CACNG4: variants seen among roughly 807,000 people sequenced by gnomAD.
CACNG4 encodes calcium voltage-gated channel auxiliary subunit gamma 4.
CACNG4 carries 8 observed loss-of-function variants against 22.9 expected under a neutral mutation model. The ratio of observed to expected loss-of-function variants is 0.35; its 90% CI spans 0.21 to 0.63. CACNG4 has a LOEUF of 0.63. CACNG4 is among the 30% of genes least tolerant of loss of function. The probability of loss-of-function intolerance (pLI) is 0.72; values close to 1 mark genes in which losing one functional copy is unlikely to be tolerated. For synonymous variants in CACNG4, 188 were observed against 191.9 expected, an observed-to-expected ratio of 0.98 and a Z score of 0.17; for missense variants, 357 against 455.4, an observed-to-expected ratio of 0.78 and a Z score of 1.97.
chr17:66,997,523 T>C (rs980253112), intron 1 of CACNG4, among the ~76,000 whole-genome samples: 3 of 152,082 alleles, frequency 2.0e-5, no homozygotes, highest in African/African-American at 7.2e-5. Context: ...GCAAAGAGAA[T>C]GGTTAAAACC....
chr17:66,999,574 A>G (rs532381223), intron 1 of CACNG4, among the ~76,000 whole-genome samples: 1 of 152,328 alleles, frequency 6.6e-6, no homozygotes, highest in Non-Finnish European at 1.5e-5. Context: ...GGAGACAGCG[A>G]GCGAAGAGGG....
chr17:67,004,035 A>G (rs1452055911), intron 1 of CACNG4, among the ~76,000 whole-genome samples: 1 of 152,252 alleles, frequency 6.6e-6, no homozygotes, highest in Non-Finnish European at 1.5e-5. Context: ...AACTTCCCAG[A>G]GATCTGCAGA....
At chr17:66,977,323 C>T (rs1260372876) in intron 1 of CACNG4, among the ~76,000 whole-genome samples, 2 of 152,006 alleles carry the variant, frequency 1.3e-5, no homozygotes, top group East Asian at 1.9e-4. Flanking sequence ...GCCCGCCCCA[C>T]GGATCCAGCC....
intron 1 of CACNG4, among the ~76,000 whole-genome samples, chr17:66,966,946 G>T (rs2035174607): frequency 6.6e-6 from 1 of 152,198 alleles, no homozygotes; most frequent in South Asian, 2.1e-4. Context: ...ACAGAGCAGG[G>T]GCTGCAATGC....
intron 1 of CACNG4, among the ~76,000 whole-genome samples, chr17:67,009,308 C>T (rs1329932065): frequency 6.6e-6 from 1 of 152,198 alleles, no homozygotes; most frequent in African/African-American, 2.4e-5. Context: ...CTAATGCACC[C>T]TGCCTCTCAG....
rs766946002 is a variant in CACNG4 at position 67,031,224 on chromosome 17, C to T, written c.*220C>T. ...CTGAAGGCTGACTTTGTCCCCTCCC[C>T]GAAAAAGGGTGTTTTGATGCCTCAG... is the stretch of plus-strand genomic sequence containing the variant. On this transcript the variant is annotated 3_prime_UTR_variant, in exon 4 of 4. Transcript: ENST00000262138. This position sits in a 1 kb window ranked among gnomAD's most constrained non-coding sequence, Gnocchi z 4.0. The T allele has an allele frequency of 5.7e-5, 37 of 646,396 alleles. No homozygotes were observed. The highest frequency in any genetic ancestry group is 4.3e-4 in the African/African-American group (24 of 55,230). The allele number at this position is 646,396 out of a possible 1,614,324, so 40.0% of individuals were successfully genotyped here. A position where few individuals can be genotyped will look rare whatever the true frequency, so the allele number is the denominator to read the frequency against.
intron 1 of CACNG4, among the ~76,000 whole-genome samples, chr17:66,999,572 C>T (rs1046527795): frequency 2.6e-5 from 4 of 152,126 alleles, no homozygotes; most frequent in Middle Eastern, 3.2e-3. Flanking sequence ...CAGGAGACAG[C>T]GAGCGAAGAG....
At chr17:66,981,003 T>G (rs1195340526) in intron 1 of CACNG4, among the ~76,000 whole-genome samples, 2 of 152,314 alleles carry the variant, frequency 1.3e-5, no homozygotes, top group Non-Finnish European at 2.9e-5. Context: ...AAAAAAATCT[T>G]TGCATGGTGA....
At chr17:67,005,064 A>C (rs545507577) in intron 1 of CACNG4, among the ~76,000 whole-genome samples, 1 of 152,308 alleles carries the variant, frequency 6.6e-6, no homozygotes, top group African/African-American at 2.4e-5. Flanking sequence ...AGCGTCCCAA[A>C]GGATGGAAGG....
intron 1 of CACNG4, among the ~76,000 whole-genome samples, chr17:67,014,814 G>A (rs1019734840): frequency 2.6e-5 from 4 of 152,082 alleles, no homozygotes; most frequent in African/African-American, 9.7e-5. Context: ...GTGCGTGCCT[G>A]TAGTCTCAGT....
At chr17:66,972,423 G>A (rs1230255857) in intron 1 of CACNG4, among the ~76,000 whole-genome samples, 4 of 152,282 alleles carry the variant, frequency 2.6e-5, no homozygotes, top group Admixed American at 2.0e-4. Context: ...TGGCCTCCCC[G>A]CACTGGAACC....
chr17:66,969,313 A>G (rs2035190133), intron 1 of CACNG4, among the ~76,000 whole-genome samples: 1 of 152,094 alleles, frequency 6.6e-6, no homozygotes, highest in Non-Finnish European at 1.5e-5. Flanking sequence ...TCTCCACCCA[A>G]AGAGAAGGGT....
intron 1 of CACNG4, among the ~76,000 whole-genome samples, chr17:66,977,040 C>G (rs1396992012): frequency 6.6e-6 from 1 of 152,190 alleles, no homozygotes; most frequent in African/African-American, 2.4e-5. Flanking sequence ...CCTCCCCAGG[C>G]CTATGGGCTC....
chr17:66,997,444 T>C (rs2035382023), intron 1 of CACNG4, among the ~76,000 whole-genome samples: 2 of 152,088 alleles, frequency 1.3e-5, no homozygotes, highest in East Asian at 3.8e-4. Flanking sequence ...CTGAGCCCTG[T>C]GGCCCCTGTT....
intron 1 of CACNG4, among the ~76,000 whole-genome samples, chr17:66,971,758 C>A (rs531790491): frequency 2.6e-5 from 4 of 152,166 alleles, no homozygotes; most frequent in African/African-American, 7.2e-5. Flanking sequence ...CAGGAGGGAA[C>A]CTGGTGAGGA....
Position 67,031,929 on chromosome 17 carries a change from G to A in CACNG4, c.*925G>A, listed in dbSNP as rs990247528. 1.1e-5 allele frequency: 5 copies of A among 456,634 alleles called. No individual in the cohort carries two copies. The highest frequency in any genetic ancestry group is 1.0e-4 in the African/African-American group (5 of 50,080). 28.3% of individuals were successfully genotyped at this position (456,634 alleles called of 1,614,324 possible). ...CTCCAACTGGCATTTGGCAACAGGA[G>A]CCTGGACTTCTGTGCAAGAAAGGGA... On this transcript the variant is annotated 3_prime_UTR_variant, in exon 4 of 4. Transcript: ENST00000262138. The surrounding 1 kb of genome is among the most constrained non-coding windows in gnomAD (Gnocchi z 4.0).
intron 1 of CACNG4, among the ~76,000 whole-genome samples, chr17:66,966,355 A>G (rs1001641680): frequency 7.2e-5 from 11 of 152,168 alleles, no homozygotes; most frequent in African/African-American, 2.4e-4. Context: ...ACCCTTGGAC[A>G]GAATTCCTTC....
intron 1 of CACNG4, among the ~76,000 whole-genome samples, chr17:66,993,823 A>G (rs574450091): frequency 6.6e-6 from 1 of 152,064 alleles, no homozygotes; most frequent in Admixed American, 6.5e-5. Flanking sequence ...GTTTCATCAT[A>G]TTGGCCAGGC....
chr17:67,011,655 G>A (rs8071683), intron 1 of CACNG4, among the ~76,000 whole-genome samples: 3,837 of 120,188 alleles, frequency 0.032, 151 homozygotes, highest in African/African-American at 0.16. Flanking sequence ...GAATGAATGA[G>A]TGAGATGAGT....
Sources: gnomAD v4.1 joint callset for allele counts (sites outside exome capture counted in the v4.1 genomes callset) on GRCh38, gnomAD v4.1.1 for gene constraint, Gnocchi (gnomAD v3.1) non-coding constraint, MANE v1.5 for transcripts, NCBI Gene and HGNC (gene_info 2026-07-23, HGNC 2026-07-21) for gene names.